The following OGFR variants were observed in gnomAD, a reference collection of about 807,000 sequenced individuals.
The protein encoded by OGFR is protein 7-60.
In OGFR, 18 loss-of-function variants were observed where a neutral mutation model predicts 33.6. The observed-to-expected ratio is 0.54, with a 90% CI of 0.37 to 0.80. The LOEUF is 0.80. Among genes scored for constraint, OGFR ranks in the 30% least tolerant of loss-of-function variants. The probability of loss-of-function intolerance (pLI) is 0.00; values close to 1 mark genes in which losing one functional copy is unlikely to be tolerated. For synonymous variants in OGFR, 370 were observed against 400.7 expected (o/e 0.92, Z 0.91); for missense variants, 877 against 955.8 (o/e 0.92, Z 1.09).
intron 2 of OGFR, 51 bp from the exon 3 acceptor site, chr20:62,808,196 G>C: frequency 7.0e-7 from 1 of 1,425,178 alleles, no homozygotes; most frequent in Non-Finnish European, 9.9e-7. Context: ...AGGGCCCCAG[G>C]GCAGCTTGTG....
At position 62,809,674 on chromosome 20, in the gene OGFR, G is replaced by A; in HGVS notation, c.398+11G>A. 4 of 1,559,074 alleles carry A rather than the reference G, an allele frequency of 2.6e-6. No individual in the cohort carries two copies. Among genetic ancestry groups the A allele is most frequent in the Non-Finnish European group, 3.5e-6 (4 of 1,134,466 alleles). ...CTCCTACATCCAGTGGTGAGTTGGG[G>A]AGGATGGGGGGATGGGGGGTTGGCG... On this transcript the variant is annotated intron_variant, in intron 4 of 6. Coordinates refer to ENST00000290291, the MANE Select transcript of OGFR (RefSeq NM_007346.4).
chr20:62,807,877 C>T lies in OGFR; in HGVS notation c.240+272C>T, dbSNP rs1342394228. The T allele has an allele frequency of 1.8e-5, 11 of 600,496 alleles. 1 individual carries two copies. Among genetic ancestry groups the T allele is most frequent in the African/African-American group, 5.6e-5 (3 of 53,860 alleles). The allele number at this position is 600,496 out of a possible 1,614,324, so 37.2% of individuals were successfully genotyped here. A position where few individuals can be genotyped will look rare whatever the true frequency, so the allele number is the denominator to read the frequency against. On this transcript the variant is annotated intron_variant, in intron 2 of 6. Coordinates refer to ENST00000290291, the MANE Select transcript of OGFR (RefSeq NM_007346.4). Reference sequence around the variant, plus strand: ...CATAGTGCCAGCCTCGTGATGCACACGTGTGGGGTCCGTGATACCGCCCAC... The same window carrying T: ...CATAGTGCCAGCCTCGTGATGCACATGTGTGGGGTCCGTGATACCGCCCAC...
intron 1 of OGFR, among the ~76,000 whole-genome samples, chr20:62,805,266 C>T (rs1282623258): frequency 1.3e-5 from 2 of 151,736 alleles, no homozygotes; most frequent in African/African-American, 4.8e-5. Context: ...CGTGTGTGGG[C>T]GCCGTTCCCC....
intron 1 of OGFR, 44 bp from the exon 2 acceptor site, chr20:62,807,493 G>C (rs765253928): frequency 6.3e-7 from 1 of 1,578,944 alleles, no homozygotes; most frequent in Admixed American, 1.7e-5. Flanking sequence ...GACTCACTTG[G>C]GGGTCTCCCA....
At position 62,813,112 on chromosome 20, in the gene OGFR, G is replaced by T; in HGVS notation, c.1497G>T (p.Gly499=). The change falls in exon 7 of 7, where the codon GGG becomes GGT. Residue 499 remains glycine (G), a synonymous_variant. Transcript: ENST00000290291. ...CCAAGGCTGGACACAGTGAGAACGG[G>T]GTTGAGGAGGACACAGAAGGTCGAA... The part of the protein sequence containing the change: ...GHPKAGHSEN[G]VEEDTEGRTG... The T allele has an allele frequency of 6.3e-7, 1 of 1,579,508 alleles. No individual in the cohort carries two copies. The highest frequency in any genetic ancestry group is 8.6e-7 in the Non-Finnish European group (1 of 1,162,746).
chr20:62,805,130 C>T, intron 1 of OGFR, 100 bp downstream of exon 1: 1 of 929,594 alleles, frequency 1.1e-6, no homozygotes, highest in Non-Finnish European at 1.4e-6. Context: ...ACACCTGGAG[C>T]CTCCTGGAGC....
At chr20:62,809,109 C>T (rs952653265) in intron 3 of OGFR, among the ~76,000 whole-genome samples, 1 of 152,072 alleles carries the variant, frequency 6.6e-6, no homozygotes, top group East Asian at 1.9e-4. Flanking sequence ...CGGGCTGCAA[C>T]GTGAAACAGA....
chr20:62,812,631 G>T lies in OGFR; in HGVS notation c.1016G>T (p.Gly339Val), dbSNP rs768013725. 5.8e-6 allele frequency: 9 copies of T among 1,561,048 alleles called. No individual in the cohort carries two copies. The highest frequency in any genetic ancestry group is 4.7e-5 in the South Asian group (4 of 85,394). ...GGGCCAGAGCATAGCAAGGGTGGGG[G>T]CAGGGTGGACGAGGGGCCCCAGCCA... ...TCGPEHSKGG[G>V]RVDEGPQPRS... The change falls in exon 7 of 7, where the codon GGC becomes GTC. Residue 339 changes from glycine to valine, a missense_variant. Physicochemically the swap from Gly to Val is moderately radical, Grantham distance 109. Around this residue, in one of 3 missense-constraint regions of OGFR, gnomAD observed 760 missense variants for 736.0 expected, o/e 1.03. Transcript: ENST00000290291.
Position 62,811,401 on chromosome 20 carries a change from C to G in OGFR, c.466-61C>G, listed in dbSNP as rs990436887. 13 of 1,586,906 alleles carry G rather than the reference C, an allele frequency of 8.2e-6. No homozygotes were observed. In the Admixed American group the frequency reaches 2.1e-4, roughly 26 times the overall value. On this transcript the variant is annotated intron_variant, in intron 5 of 6. Transcript: ENST00000290291. ...GTGAGTCGGGACCCACGGCCACCCCCACACTCAGGAACCGGGGCTTCAGGG... is the reference window on the plus strand; with the variant it reads ...GTGAGTCGGGACCCACGGCCACCCCGACACTCAGGAACCGGGGCTTCAGGG...
chr20:62,812,381 T>G lies in OGFR; in HGVS notation c.766T>G (p.Tyr256Asp). ...GGGGGTGCGGCAGAGTGCCCTGGAC[T>G]ACTTCATGTTCGCCGTGCGCTGCCG... ...LPGVRQSALD[Y>D]FMFAVRCRHQ... The change falls in exon 7 of 7, where the codon TAC (tyrosine) becomes GAC (aspartate). Residue 256 changes from tyrosine to aspartate, a missense_variant. Tyr to Asp is a radical substitution (Grantham distance 160, BLOSUM62 -3). This residue lies in a region of OGFR where 760 missense variants were observed against 736.0 expected (regional missense o/e 1.03). Coordinates refer to ENST00000290291, the MANE Select transcript of OGFR (RefSeq NM_007346.4). 6.3e-7 allele frequency: 1 copy of G among 1,576,962 alleles called. No homozygotes were observed. The highest frequency in any genetic ancestry group is 1.8e-5 in the Admixed American group (1 of 54,850).
intron 5 of OGFR, among the ~76,000 whole-genome samples, chr20:62,810,836 C>T (rs1474326153): frequency 6.6e-6 from 1 of 152,228 alleles, no homozygotes; most frequent in South Asian, 2.1e-4. Flanking sequence ...CCCGGAGTGG[C>T]GGGACCTGCC....
chr20:62,812,856 T>G lies in OGFR; in HGVS notation c.1241T>G (p.Leu414Trp). 1 of 1,612,676 alleles carries G rather than the reference T, an allele frequency of 6.2e-7. No individual in the cohort carries two copies. Among genetic ancestry groups the G allele is most frequent in the Non-Finnish European group, 8.5e-7 (1 of 1,179,948 alleles). ...GAGGTGGAGAAGATCGCTCTGAATT[T>G]GGAGGGGTGTGCCCTCAGCCAGGGC... is the stretch of plus-strand genomic sequence containing the variant. ...ASEVEKIALN[L>W]EGCALSQGSL... Residue 414 changes from leucine to tryptophan, a missense_variant, in exon 7 of 7, where the codon TTG (leucine) becomes TGG (tryptophan). Coordinates refer to ENST00000290291, the MANE Select transcript of OGFR (RefSeq NM_007346.4).
intron 5 of OGFR, 67 bp downstream of exon 5, chr20:62,810,632 G>T: frequency 6.6e-7 from 1 of 1,506,868 alleles, no homozygotes; most frequent in South Asian, 1.1e-5. Context: ...CGCCGCTGCA[G>T]AGACGGGGTC....
intron 1 of OGFR, 29 bp from the exon 2 acceptor site, chr20:62,807,508 G>T (rs752818399): frequency 6.2e-7 from 1 of 1,606,382 alleles, no homozygotes; most frequent in Admixed American, 1.7e-5. Context: ...CTCCCATGGG[G>T]GTCCTAATCC....
chr20:62,813,058 T>C lies in OGFR; in HGVS notation c.1443T>C (p.Leu481=), dbSNP rs1162308557. Residue 481 remains leucine, a synonymous_variant, in exon 7 of 7, where the codon CTT becomes CTC. Transcript: ENST00000290291. The part of the protein sequence containing the change: ...VASGGAQTLA[L]AGSPAPSGHP... ...GTGGTGGTGCCCAGACCTTGGCCCT[T>C]GCCGGGTCCCCTGCCCCATCGGGGC... 1.9e-6 allele frequency: 3 copies of C among 1,584,056 alleles called. No homozygotes were observed. In the African/African-American group the frequency reaches 4.0e-5, roughly 21 times the overall value.
rs747854995 is a variant in OGFR at position 62,813,550 on chromosome 20, C to T, written c.1935C>T (p.Ser645=). ...AESPSETPGP[S]PAGPTRDEPA... ...GCCCATCGGAGACCCCAGGCCCCAG[C>T]CCGGCAGGACCTACAAGGGATGAGC... is the stretch of plus-strand genomic sequence containing the variant. Residue 645 remains serine, a synonymous_variant, in exon 7 of 7, where the codon AGC becomes AGT. Transcript: ENST00000290291. The T allele has an allele frequency of 6.2e-7, 1 of 1,610,152 alleles. No homozygotes were observed. The highest frequency in any genetic ancestry group is 1.1e-5 in the South Asian group (1 of 90,846).
intron 3 of OGFR, among the ~76,000 whole-genome samples, chr20:62,808,671 G>T (rs1990652063): frequency 6.6e-6 from 1 of 152,136 alleles, no homozygotes; most frequent in South Asian, 2.1e-4. Context: ...TTTTTAAATG[G>T]TTGCAAAAAA....
At position 62,807,283 on chromosome 20, in the gene OGFR, G is replaced by GC. The variant is rs1990616694; in HGVS notation, c.172-248dup. On this transcript the variant is annotated intron_variant, in intron 1 of 6. Transcript: ENST00000290291. ...CCCAAAGGGGCCTAGAGAAGGAGCA[G>GC]CCCCCCACCTGGCTACCGCAGCCCT... The GC allele has an allele frequency of 9.1e-6, 5 of 549,582 alleles. No homozygotes were observed. In the East Asian group the frequency reaches 1.5e-4, roughly 17 times the overall value. 34.0% of individuals were successfully genotyped at this position (549,582 alleles called of 1,614,324 possible).
rs369584403 is a variant in OGFR, at chr20:62,812,941, C to T, written c.1326C>T (p.Pro442=). ...GGQDPGEAVQ[P]CRQPLGARVA... ...AGGACCCTGGGGAGGCAGTGCAGCC[C>T]TGCCGCCAACCCCTGGGAGCCAGGG... Residue 442 remains proline (P), a synonymous_variant, in exon 7 of 7, where the codon CCC becomes CCT. Transcript: ENST00000290291. 2.5e-5 allele frequency: 40 copies of T among 1,612,156 alleles called. No homozygotes were observed. Among genetic ancestry groups the T allele is most frequent in the Non-Finnish European group, 3.3e-5 (39 of 1,179,824 alleles).
Sources: allele counts gnomAD v4.1 joint callset (sites outside exome capture counted in the v4.1 genomes callset), GRCh38; gene constraint gnomAD v4.1.1; regional missense constraint gnomAD v4.1.1; transcripts MANE v1.5; gene names NCBI Gene and HGNC (gene_info 2026-07-23, HGNC 2026-07-21).